Variants in ABCA1 observed in about 807,000 individuals in gnomAD.
The protein encoded by ABCA1 is phospholipid-transporting ATPase ABCA1.
In ABCA1, 133 loss-of-function variants were observed where a neutral mutation model predicts 262.5. The ratio of observed to expected loss-of-function variants is 0.51; its 90% CI spans 0.44 to 0.59. ABCA1 has a LOEUF of 0.59. Ranked by LOEUF, ABCA1 falls within the 20% of genes least tolerant of loss-of-function variation. ABCA1 has a pLI of 0.00. For missense variants in ABCA1, 2,452 were observed against 2,777.5 expected (o/e 0.88, Z 2.63); for synonymous variants, 1,022 against 1,043.5 (o/e 0.98, Z 0.40).
chr9:104,834,650 G>C (rs115040046), intron 11 of ABCA1, among the ~76,000 whole-genome samples: 2,328 of 148,878 alleles, frequency 0.016, 139 homozygotes, highest in African/African-American at 0.039. Flanking sequence ...GTGCTCGTGA[G>C]GGGCAGGAGA....
chr9:104,831,929 C>A (rs879780013), intron 12 of ABCA1, 102 bp from the exon 13 acceptor site: 155 of 1,043,132 alleles, frequency 1.5e-4, no homozygotes, highest in Non-Finnish European at 2.2e-4. Flanking sequence ...TACACGATTG[C>A]TCATCCTCTC....
At chr9:104,840,202 G>GA in intron 9 of ABCA1, 77 bp downstream of exon 9, 2 of 1,610,876 alleles carry the variant, frequency 1.2e-6, no homozygotes, top group South Asian at 1.1e-5. Context: ...ACAGAGGGAG[G>GA]AGATGACACA....
At chr9:104,896,738 T>A (rs1314616524) in intron 2 of ABCA1, among the ~76,000 whole-genome samples, 1 of 93,044 alleles carries the variant, frequency 1.1e-5, no homozygotes, top group African/African-American at 5.0e-5. Flanking sequence ...TTTTTTTTTT[T>A]TTTTTTTTTT....
Position 104,817,477 on chromosome 9 carries a change from A to T in ABCA1, c.3463-73T>A. On this transcript the variant is annotated intron_variant, in intron 23 of 49. Transcript: ENST00000374736. This position sits in a 1 kb window ranked among gnomAD's most constrained non-coding sequence, Gnocchi z 4.7. ...AGAGCCACCAGCACCTTCGCCGGGG[A>T]GGGCTTCCAAGAAGCTCTGTTGTGT... 6.7e-7 allele frequency: 1 copy of T among 1,502,230 alleles called. No individual in the cohort carries two copies. The highest frequency in any genetic ancestry group is 9.2e-7 in the Non-Finnish European group (1 of 1,082,032). 93.1% of individuals were successfully genotyped at this position (1,502,230 alleles called of 1,614,324 possible). A position where few individuals can be genotyped will look rare whatever the true frequency, so the allele number is the denominator to read the frequency against.
At chr9:104,890,605 A>G (rs1221951152) in intron 2 of ABCA1, among the ~76,000 whole-genome samples, 1 of 151,936 alleles carries the variant, frequency 6.6e-6, no homozygotes, top group Non-Finnish European at 1.5e-5. Flanking sequence ...AAAAAAAGCA[A>G]AGATTTTTTT....
chr9:104,846,223 A>C (rs1178249166), intron 7 of ABCA1, among the ~76,000 whole-genome samples: 1 of 152,248 alleles, frequency 6.6e-6, no homozygotes, highest in Non-Finnish European at 1.5e-5. Flanking sequence ...AGCTAAAGAA[A>C]AAAAAGAACA....
At chr9:104,854,311 C>A in intron 7 of ABCA1, among the ~76,000 whole-genome samples, 1 of 152,154 alleles carries the variant, frequency 6.6e-6, no homozygotes, top group Non-Finnish European at 1.5e-5. Flanking sequence ...AAAAACACAG[C>A]CCCACAAACA....
At chr9:104,787,848 T>TA in intron 46 of ABCA1, 72 bp downstream of exon 46, 1 of 1,613,630 alleles carries the variant, frequency 6.2e-7, no homozygotes, top group Non-Finnish European at 8.5e-7. Context: ...GCCCTGGACA[T>TA]ATAGGACTTT....
intron 14 of ABCA1, among the ~76,000 whole-genome samples, chr9:104,829,351 C>T (rs1482083658): frequency 6.6e-6 from 1 of 152,174 alleles, no homozygotes; most frequent in African/African-American, 2.4e-5. Context: ...GTTGCCAAAC[C>T]AAATTTCTTT....
chr9:104,856,530 T>C (rs909484232), intron 7 of ABCA1, among the ~76,000 whole-genome samples: 1 of 152,254 alleles, frequency 6.6e-6, no homozygotes, highest in Middle Eastern at 3.2e-3. Flanking sequence ...TCTGTCACGC[T>C]GCTAATCCTC....
chr9:104,796,029 G>A (rs772612452), intron 39 of ABCA1, 24 bp downstream of exon 39: 22 of 1,611,940 alleles, frequency 1.4e-5, no homozygotes, highest in South Asian at 6.6e-5. Flanking sequence ...ATCCCAGCAG[G>A]AGTGTTCTCT....
intron 39 of ABCA1, among the ~76,000 whole-genome samples, chr9:104,795,552 T>C (rs779640443): frequency 2.0e-5 from 3 of 152,150 alleles, no homozygotes; most frequent in Non-Finnish European, 2.9e-5. Flanking sequence ...AAGAAAAGCA[T>C]TAAGTTCCAA....
In ABCA1 at chr9:104,786,394, C is replaced by A. The variant is rs199562704; in HGVS notation, c.6309-4G>T. 3 of 1,613,242 alleles carry A rather than the reference C, an allele frequency of 1.9e-6. No individual in the cohort carries two copies. In the Admixed American group the frequency reaches 5.0e-5, roughly 27 times the overall value. Reference sequence around the variant, plus strand: ...AAGAGCTTCACATTCTTCCATACTGCGGTAAAACAGAAAGAGGTTTTAGTT... The same window carrying A: ...AAGAGCTTCACATTCTTCCATACTGAGGTAAAACAGAAAGAGGTTTTAGTT... On this transcript the variant is annotated splice_region_variant and splice_polypyrimidine_tract_variant and intron_variant, in intron 47 of 49. Transcript: ENST00000374736.
chr9:104,784,488 A>C (rs747315910), intron 49 of ABCA1, 33 bp from the exon 50 acceptor site: 1 of 1,613,502 alleles, frequency 6.2e-7, no homozygotes, highest in Non-Finnish European at 8.5e-7. Flanking sequence ...CTTTATAAAT[A>C]CCACTCAACT....
At chr9:104,816,029 C>T in intron 25 of ABCA1, 114 bp downstream of exon 25, 1 of 1,174,152 alleles carries the variant, frequency 8.5e-7, no homozygotes, top group Admixed American at 1.7e-5. Context: ...ATGTCGATGA[C>T]CTAAAAACTC....
intron 2 of ABCA1, 87 bp downstream of exon 2, chr9:104,903,527 C>T: frequency 1.5e-6 from 2 of 1,290,342 alleles, no homozygotes; most frequent in South Asian, 1.3e-5. Context: ...ACACAGCTTC[C>T]TTCCCTCCCT....
chr9:104,821,337 C>T (rs1168275023), intron 20 of ABCA1, 38 bp downstream of exon 20: 1 of 1,610,342 alleles, frequency 6.2e-7, no homozygotes, highest in Admixed American at 1.7e-5. Context: ...CACACACATC[C>T]AGAAAAGGCC....
chr9:104,858,792 T>C (rs1258156061), intron 6 of ABCA1, 94 bp from the exon 7 acceptor site: 7 of 1,271,244 alleles, frequency 5.5e-6, no homozygotes, highest in Non-Finnish European at 8.0e-6. Flanking sequence ...TTCATATCAA[T>C]ACAGCTTTGA....
At chr9:104,916,993 T>C (rs1028204665) in intron 1 of ABCA1, among the ~76,000 whole-genome samples, 4 of 152,234 alleles carry the variant, frequency 2.6e-5, no homozygotes, top group African/African-American at 9.6e-5. Context: ...ATCAAAAATA[T>C]GTTGCTATTT....
Sources: allele counts gnomAD v4.1 joint callset (sites outside exome capture counted in the v4.1 genomes callset), GRCh38; gene constraint gnomAD v4.1.1; non-coding constraint Gnocchi (gnomAD v3.1); transcripts MANE v1.5; gene names NCBI Gene and HGNC (gene_info 2026-07-23, HGNC 2026-07-21).